The following NBEAL1 variants were observed in gnomAD, a reference collection of about 807,000 sequenced individuals.
NBEAL1 encodes the protein neurobeachin-like protein 1.
NBEAL1 carries 273 observed loss-of-function variants against 351.3 expected under a neutral mutation model. That is an observed-to-expected ratio of 0.78 (90% CI 0.70 to 0.86). NBEAL1 has a LOEUF of 0.86. Among genes scored for constraint, NBEAL1 ranks in the 40% least tolerant of loss-of-function variants. NBEAL1 has a pLI of 0.00. For synonymous variants in NBEAL1, 1,050 were observed against 1,086.4 expected, an observed-to-expected ratio of 0.97 and a Z score of 0.66; for missense variants, 2,961 against 3,201.3, an observed-to-expected ratio of 0.92 and a Z score of 1.81.
intron 15 of NBEAL1, among the ~76,000 whole-genome samples, chr2:203,111,029 A>T (rs1414514092): frequency 6.6e-6 from 1 of 152,038 alleles, no homozygotes; most frequent in Non-Finnish European, 1.5e-5. Context: ...AAGTAAATTT[A>T]ATTTTGAATT....
intron 44 of NBEAL1, among the ~76,000 whole-genome samples, chr2:203,184,360 G>A (rs1241393257): frequency 6.6e-6 from 1 of 152,162 alleles, no homozygotes; most frequent in Non-Finnish European, 1.5e-5. Context: ...GAACCCAGGA[G>A]GCGGAGGTGA....
At chr2:203,190,882 C>T in intron 46 of NBEAL1, 3 of 1,611,396 alleles carry the variant, frequency 1.9e-6, no homozygotes, top group Non-Finnish European at 2.5e-6. Flanking sequence ...GATCGGCCCC[C>T]TGGGTCTGTC....
Position 203,108,151 on chromosome 2 carries a change from A to T in NBEAL1, c.1912A>T (p.Ile638Phe), listed in dbSNP as rs910811850. The stretch of plus-strand genomic sequence containing the variant: ...AGACCAGGATCAGTTGACTCTTGGC[A>T]TTGCTAACAAAGGAGGGAAAAGGAA... ...CLDQDQLTLG[I>F]ANKGGKRKQL... The change falls in exon 14 of 56, where the codon ATT (isoleucine) becomes TTT (phenylalanine). Residue 638 changes from isoleucine (I) to phenylalanine (F), a missense_variant. Coordinates refer to ENST00000683969, the MANE Select transcript of NBEAL1 (RefSeq NM_001378026.1). 1 of 1,551,366 alleles carries T rather than the reference A, an allele frequency of 6.4e-7. No individual in the cohort carries two copies. Among genetic ancestry groups the T allele is most frequent in the Non-Finnish European group, 8.7e-7 (1 of 1,146,596 alleles).
At chr2:203,083,127 G>T in intron 8 of NBEAL1, 92 bp from the exon 9 acceptor site, 1 of 1,088,700 alleles carries the variant, frequency 9.2e-7, no homozygotes, top group Non-Finnish European at 1.3e-6. Flanking sequence ...TAAAAGAAAA[G>T]GTTGCCTGCA....
chr2:203,049,929 C>G lies in NBEAL1; in HGVS notation c.259C>G (p.Gln87Glu). The G allele has an allele frequency of 6.4e-7, 1 of 1,555,122 alleles. No homozygotes were observed. Among genetic ancestry groups the G allele is most frequent in the East Asian group, 2.4e-5 (1 of 42,242 alleles). The change falls in exon 4 of 56, where the codon CAA (glutamine) becomes GAA (glutamate). Residue 87 changes from glutamine to glutamate, a missense_variant. Gln to Glu is a conservative substitution (Grantham distance 29). Transcript: ENST00000683969. ...GGCAGATGGGTTAGAGGAACAACAG[C>G]AAGCCTTGTCAATTTTGCTTGTCAA... ...KMADGLEEQQQALSILLVKFF... is the reference protein window; with the variant it reads ...KMADGLEEQQEALSILLVKFF...
In NBEAL1 at chr2:203,169,843, T is replaced by C. The variant is rs761717217; in HGVS notation, c.6094T>C (p.Leu2032=). The C allele has an allele frequency of 1.0e-5, 16 of 1,587,590 alleles. No individual in the cohort carries two copies. In the Middle Eastern group the frequency reaches 5.0e-4, roughly 49 times the overall value. ...ACAGGAGTTATTCAAAGCATCAGGA[T>C]TGACACAGGTAGGAAATTGTAATAG... The part of the protein sequence containing the change: ...SPQELFKASG[L]TQKWVNREIS... Residue 2032 remains leucine, a synonymous_variant, in exon 39 of 56, where the codon TTG becomes CTG. Coordinates refer to ENST00000683969, the MANE Select transcript of NBEAL1 (RefSeq NM_001378026.1).
chr2:203,201,347 G>A (rs111802206), intron 49 of NBEAL1, among the ~76,000 whole-genome samples, 196 bp from the exon 50 acceptor site: 7 of 152,212 alleles, frequency 4.6e-5, no homozygotes, highest in African/African-American at 1.7e-4. Context: ...AGATTGTTAT[G>A]TATATTCTTA....
In NBEAL1 at chr2:203,064,199, G is replaced by A. The variant is rs189569980; in HGVS notation, c.516-4194G>A. Among the ~76,000 whole-genome samples, 514 of 152,118 alleles carry A rather than the reference G, an allele frequency of 3.4e-3. 1 individual carries two copies. The highest frequency in any genetic ancestry group is 0.011 in the African/African-American group (476 of 41,488). On this transcript the variant is annotated intron_variant, in intron 6 of 55. Coordinates refer to ENST00000683969, the MANE Select transcript of NBEAL1 (RefSeq NM_001378026.1). Reference sequence around the variant, plus strand: ...CTCCCAAGTAGCTGGGTTTACAGGCGTGCACCACCATGCCCAGCAAATTTT... The same window carrying A: ...CTCCCAAGTAGCTGGGTTTACAGGCATGCACCACCATGCCCAGCAAATTTT...
chr2:203,112,925 A>G (rs2062604714), intron 16 of NBEAL1, 90 bp from the exon 17 acceptor site: 1 of 1,178,988 alleles, frequency 8.5e-7, no homozygotes, highest in South Asian at 2.2e-5. Flanking sequence ...TTATTTGTGT[A>G]ATTTTATGTA....
At chr2:203,105,429 C>T (rs915168539) in intron 12 of NBEAL1, among the ~76,000 whole-genome samples, 4 of 151,662 alleles carry the variant, frequency 2.6e-5, no homozygotes, top group Admixed American at 1.3e-4. Context: ...CGCGCCACTG[C>T]ACTCCAGCCT....
At chr2:203,099,498 A>G (rs1228845402) in intron 11 of NBEAL1, 131 bp from the exon 12 acceptor site, 3 of 565,296 alleles carry the variant, frequency 5.3e-6, no homozygotes, top group Non-Finnish European at 9.3e-6. Flanking sequence ...TCAGAAATCC[A>G]TTTCATCAGA....
At chr2:203,208,307 G>T (rs2065669137) in intron 51 of NBEAL1, among the ~76,000 whole-genome samples, 1 of 151,948 alleles carries the variant, frequency 6.6e-6, no homozygotes, top group African/African-American at 2.4e-5. Context: ...AGGTTATTCA[G>T]AAATATAACA....
chr2:203,209,088 C>T (rs2065695792), intron 52 of NBEAL1, 73 bp from the exon 53 acceptor site: 1 of 1,192,200 alleles, frequency 8.4e-7, no homozygotes, highest in Admixed American at 2.0e-5. Flanking sequence ...TTTATCTGGC[C>T]CACTCTACTT....
intron 33 of NBEAL1, among the ~76,000 whole-genome samples, chr2:203,146,057 C>T (rs1235833049): frequency 6.7e-6 from 1 of 150,182 alleles, no homozygotes; most frequent in Non-Finnish European, 1.5e-5. Context: ...AAGAAAGAGG[C>T]AGTATCACCA....
chr2:203,110,674 A>AAAAAAAATAAAT (rs2062547560), intron 15 of NBEAL1, among the ~76,000 whole-genome samples: 1 of 130,880 alleles, frequency 7.6e-6, no homozygotes, highest in Non-Finnish European at 1.6e-5. Context: ...ATCCTGTCTC[A>AAAAAAAATAAAT]AAATAAATAA....
chr2:203,099,771 G>C, intron 12 of NBEAL1, 59 bp downstream of exon 12: 1 of 1,156,906 alleles, frequency 8.6e-7, no homozygotes, highest in African/African-American at 1.6e-5. Flanking sequence ...AGGTTCAGGG[G>C]TACATGTGCA....
In NBEAL1 at chr2:203,056,470, A is replaced by T. The variant is rs368575065; in HGVS notation, c.349A>T (p.Asn117Tyr). Reference sequence around the variant, plus strand: ...AGAAATTGGGACTTGCTCGTACATTAATTATGTCATCACCATGACAACACT... The same window carrying T: ...AGAAATTGGGACTTGCTCGTACATTTATTATGTCATCACCATGACAACACT... ...VEEIGTCSYI[N>Y]YVITMTTLYI... The change falls in exon 5 of 56, where the codon AAT becomes TAT. Residue 117 changes from asparagine (N) to tyrosine (Y), a missense_variant. Physicochemically the swap from Asn to Tyr is moderately radical, Grantham distance 143 (BLOSUM62 -2). Coordinates refer to ENST00000683969, the MANE Select transcript of NBEAL1 (RefSeq NM_001378026.1). The T allele has an allele frequency of 3.2e-6, 5 of 1,551,036 alleles. No homozygotes were observed. The highest frequency in any genetic ancestry group is 4.4e-6 in the Non-Finnish European group (5 of 1,144,482).
At position 203,099,703 on chromosome 2, in the gene NBEAL1, A is replaced by C; in HGVS notation, c.1260A>C (p.Pro420=). The C allele has an allele frequency of 6.5e-7, 1 of 1,545,820 alleles. No homozygotes were observed. Among genetic ancestry groups the C allele is most frequent in the Non-Finnish European group, 8.7e-7 (1 of 1,144,120 alleles). The change falls in exon 12 of 56, where the codon CCA becomes CCC. Residue 420 remains proline, a synonymous_variant. Transcript: ENST00000683969. ...TGACCGCAGTAATGAACAAATCTCC[A>C]GCTGCTAAGGTGAAACATATATCCT... is the stretch of plus-strand genomic sequence containing the variant. ...QALTAVMNKS[P]AAKEVFKERI...
At position 203,126,887 on chromosome 2, in the gene NBEAL1, G is replaced by C; in HGVS notation, c.3209G>C (p.Gly1070Ala). Residue 1070 changes from glycine to alanine, a missense_variant, in exon 23 of 56, where the codon GGT becomes GCT. Gly to Ala is a moderately conservative substitution (Grantham distance 60). Transcript: ENST00000683969. ...DSRRVFRKKY[G>A]VQFLLDTLRI... is the part of the protein sequence containing the mutation. Reference sequence around the variant, plus strand: ...AGGAGAGTTTTCCGAAAGAAGTATGGTGTGCAGTTTCTCCTAGATACACTT... The same window carrying C: ...AGGAGAGTTTTCCGAAAGAAGTATGCTGTGCAGTTTCTCCTAGATACACTT... The C allele has an allele frequency of 6.4e-7, 1 of 1,552,744 alleles. No individual in the cohort carries two copies. The highest frequency in any genetic ancestry group is 1.2e-5 in the South Asian group (1 of 84,168).
Sources: allele counts gnomAD v4.1 joint callset (sites outside exome capture counted in the v4.1 genomes callset), GRCh38; gene constraint gnomAD v4.1.1; transcripts MANE v1.5; gene names NCBI Gene and HGNC (gene_info 2026-07-23, HGNC 2026-07-21).